The following CCBE1 variants were observed in gnomAD, a reference collection of about 807,000 sequenced individuals.
CCBE1 encodes collagen and calcium binding EGF domains 1.
In CCBE1, 37 loss-of-function variants were observed where a neutral mutation model predicts 50.0. That is an observed-to-expected ratio of 0.74 (90% CI 0.57 to 0.97). The LOEUF (loss-of-function observed/expected upper bound fraction) is 0.97. CCBE1 is among the 50% of genes least tolerant of loss of function. The pLI, the probability that CCBE1 is intolerant of heterozygous loss-of-function variation, is 0.00. For missense variants in CCBE1, 538 were observed against 523.8 expected (o/e 1.03, Z -0.26); for synonymous variants, 234 against 203.7 (o/e 1.15, Z -1.27).
chr18:59,654,202 T>C (rs2054158820), intron 2 of CCBE1, among the ~76,000 whole-genome samples: 1 of 152,198 alleles, frequency 6.6e-6, no homozygotes, highest in African/African-American at 2.4e-5. Context: ...CATTTCTCTC[T>C]GGCCAGCCTG....
intron 2 of CCBE1, among the ~76,000 whole-genome samples, chr18:59,643,109 C>T (rs1267553124): frequency 6.6e-6 from 1 of 152,086 alleles, no homozygotes; most frequent in African/African-American, 2.4e-5. Context: ...TCTGATGACT[C>T]CTCATCAACT....
rs1490633459 is a variant in CCBE1 at position 59,433,458 on chromosome 18, C to T, written c.*2450G>A. On this transcript the variant is annotated 3_prime_UTR_variant, in exon 11 of 11. Transcript: ENST00000439986. ...AGGAGCAAAGTGTTCATGAAAGACTCGGTCACATGCTGACTGACATGAGTC... is the reference window on the plus strand; with the variant it reads ...AGGAGCAAAGTGTTCATGAAAGACTTGGTCACATGCTGACTGACATGAGTC... The T allele has an allele frequency of 6.6e-6, 1 of 151,934 alleles. No individual in the cohort carries two copies. Among genetic ancestry groups the T allele is most frequent in the African/African-American group, 2.4e-5 (1 of 41,326 alleles). 9.4% of individuals were successfully genotyped at this position (151,934 alleles called of 1,614,324 possible).
At chr18:59,535,137 G>A (rs1001897095) in intron 2 of CCBE1, among the ~76,000 whole-genome samples, 6 of 76,610 alleles carry the variant, frequency 7.8e-5, no homozygotes, top group African/African-American at 2.4e-4. Context: ...TCAGCATGCT[G>A]TAGTTCTGCC....
intron 2 of CCBE1, among the ~76,000 whole-genome samples, chr18:59,511,751 AAG>A (rs1310110268): frequency 2.6e-5 from 4 of 152,178 alleles, no homozygotes; most frequent in African/African-American, 9.7e-5. Flanking sequence ...CTCTCTTCAT[AAG>A]AGATTGATGT....
At chr18:59,595,114 C>CAAAAAAAAAAAAAAAAAAAAA (rs546035209) in intron 2 of CCBE1, among the ~76,000 whole-genome samples, 5 of 73,582 alleles carry the variant, frequency 6.8e-5, no homozygotes, top group African/African-American at 2.2e-4. Context: ...GACTCTGTCT[C>CAAAAAAAAAAAAAAAAAAAAA]AAAAAAAAAA....
At chr18:59,617,421 A>G (rs9951051) in intron 2 of CCBE1, among the ~76,000 whole-genome samples, 3,749 of 152,346 alleles carry the variant, frequency 0.025, 142 homozygotes, top group African/African-American at 0.086. Context: ...CGGCAAAGCC[A>G]TCATCTTAAA....
In CCBE1 at chr18:59,575,930, TC is replaced by T. The variant is rs1388352361; in HGVS notation, c.213-95693del. On this transcript the variant is annotated intron_variant, in intron 2 of 10. Transcript: ENST00000439986. ...ATGTAGATACAGAACATCACCCTAA[TC>T]CCACATGTCCCTTTAGTTAACCCCT... Among the ~76,000 whole-genome samples the T allele has an allele frequency of 2.6e-5, 4 of 152,194 alleles. No homozygotes were observed. In the East Asian group the frequency reaches 5.8e-4, roughly 22 times the overall value.
At chr18:59,601,289 C>A (rs547247634) in intron 2 of CCBE1, among the ~76,000 whole-genome samples, 6 of 152,024 alleles carry the variant, frequency 3.9e-5, no homozygotes, top group African/African-American at 1.4e-4. Flanking sequence ...ATAATCCCCA[C>A]GTGTCATGGG....
intron 2 of CCBE1, among the ~76,000 whole-genome samples, chr18:59,631,893 G>C (rs1244000371): frequency 6.6e-6 from 1 of 152,168 alleles, no homozygotes; most frequent in Non-Finnish European, 1.5e-5. Flanking sequence ...AATAGGAAAT[G>C]TAAGATGCCA....
chr18:59,594,721 A>G (rs2053325128), intron 2 of CCBE1, among the ~76,000 whole-genome samples: 2 of 152,158 alleles, frequency 1.3e-5, no homozygotes, highest in African/African-American at 4.8e-5. Flanking sequence ...CACTTTGTCA[A>G]CAGTACATCT....
intron 2 of CCBE1, among the ~76,000 whole-genome samples, chr18:59,525,709 G>GT (rs1914790751): frequency 6.6e-6 from 1 of 152,104 alleles, no homozygotes; most frequent in Non-Finnish European, 1.5e-5. Flanking sequence ...TTCTTCTAGG[G>GT]TTTTTATAGT....
At chr18:59,642,948 C>CAA (rs10683687) in intron 2 of CCBE1, among the ~76,000 whole-genome samples, 1,974 of 93,680 alleles carry the variant, frequency 0.021, 47 homozygotes, top group East Asian at 0.1. Flanking sequence ...GACTCCACCT[C>CAA]AAAAAAAAAA....
intron 2 of CCBE1, among the ~76,000 whole-genome samples, chr18:59,588,494 C>T (rs1233154005): frequency 6.6e-6 from 1 of 152,172 alleles, no homozygotes; most frequent in Non-Finnish European, 1.5e-5. Flanking sequence ...TGAACTTTTC[C>T]CACCAGTGAT....
chr18:59,613,842 A>G (rs1178995692), intron 2 of CCBE1, among the ~76,000 whole-genome samples: 1 of 149,318 alleles, frequency 6.7e-6, no homozygotes, highest in Non-Finnish European at 1.5e-5. Flanking sequence ...ATTGAAGCAC[A>G]AAGATGTTTT....
chr18:59,611,535 A>T (rs369065353), intron 2 of CCBE1, among the ~76,000 whole-genome samples: 1 of 152,316 alleles, frequency 6.6e-6, no homozygotes, highest in South Asian at 2.1e-4. Context: ...ATTTGAGGTC[A>T]GAAGTTTGAG....
At chr18:59,442,788 T>G (rs932779145) in intron 7 of CCBE1, among the ~76,000 whole-genome samples, 2 of 152,194 alleles carry the variant, frequency 1.3e-5, no homozygotes, top group Non-Finnish European at 2.9e-5. Context: ...TCTGGGTTCC[T>G]GACTCTGGTT....
At chr18:59,491,089 T>A (rs1234385234) in intron 2 of CCBE1, among the ~76,000 whole-genome samples, 2 of 152,238 alleles carry the variant, frequency 1.3e-5, no homozygotes, top group Non-Finnish European at 2.9e-5. Flanking sequence ...ATTTTATCCT[T>A]AGCTCTCTGA....
chr18:59,468,784 C>T (rs1055695597), intron 4 of CCBE1, among the ~76,000 whole-genome samples: 2 of 151,982 alleles, frequency 1.3e-5, no homozygotes, highest in Non-Finnish European at 2.9e-5. Context: ...TAAATATGCA[C>T]GTCTGGACCC....
intron 2 of CCBE1, among the ~76,000 whole-genome samples, chr18:59,509,921 G>C (rs1355237764): frequency 6.6e-6 from 1 of 152,166 alleles, no homozygotes; most frequent in Non-Finnish European, 1.5e-5. Flanking sequence ...TAAGGGGAAG[G>C]CCAGGGAGGG....
Sources: allele counts gnomAD v4.1 joint callset (sites outside exome capture counted in the v4.1 genomes callset), GRCh38; gene constraint gnomAD v4.1.1; transcripts MANE v1.5; gene names NCBI Gene and HGNC (gene_info 2026-07-23, HGNC 2026-07-21).